The following SLCO2A1 variants were observed in gnomAD, a reference collection of about 807,000 sequenced individuals.
The protein encoded by SLCO2A1 is matrin F/G 1.
Under a neutral mutation model 71.7 loss-of-function variants are expected in SLCO2A1, and 60 were observed. The observed-to-expected ratio is 0.84, with a 90% CI of 0.68 to 1.04. The LOEUF is 1.04. Ranked by LOEUF, SLCO2A1 falls within the 50% of genes least tolerant of loss-of-function variation. SLCO2A1 has a pLI of 0.00. For synonymous variants in SLCO2A1, 308 were observed against 326.7 expected (o/e 0.94, Z 0.62); for missense variants, 745 against 813.4 (o/e 0.92, Z 1.02).
intron 1 of SLCO2A1, among the ~76,000 whole-genome samples, chr3:134,023,159 A>C (rs369331342): frequency 6.6e-6 from 1 of 151,904 alleles, no homozygotes; most frequent in African/African-American, 2.4e-5. Flanking sequence ...CAAACAAAAG[A>C]ATGGACTCAT....
chr3:134,022,898 A>G (rs915817865), intron 1 of SLCO2A1, among the ~76,000 whole-genome samples: 13 of 152,236 alleles, frequency 8.5e-5, no homozygotes, highest in Admixed American at 6.5e-4. Flanking sequence ...AGTTAAAACA[A>G]AAGGTCGATG....
chr3:133,969,986 C>T (rs1343744442), intron 3 of SLCO2A1, among the ~76,000 whole-genome samples: 2 of 152,128 alleles, frequency 1.3e-5, no homozygotes. Context: ...CCAAGGGAGG[C>T]GCCCTGCTCC....
intron 3 of SLCO2A1, among the ~76,000 whole-genome samples, chr3:133,971,334 G>A (rs146802227): frequency 9.2e-5 from 14 of 152,386 alleles, no homozygotes; most frequent in African/African-American, 3.1e-4. Flanking sequence ...GGGAGAAAGT[G>A]TATGGCAGGA....
intron 1 of SLCO2A1, among the ~76,000 whole-genome samples, chr3:134,013,512 C>A (rs903795541): frequency 2.6e-5 from 4 of 152,156 alleles, no homozygotes. Context: ...CCCATGGGGC[C>A]CGGCCCAGGA....
chr3:133,966,820 C>T (rs1364949858), intron 3 of SLCO2A1, among the ~76,000 whole-genome samples: 2 of 152,224 alleles, frequency 1.3e-5, no homozygotes, highest in African/African-American at 4.8e-5. Flanking sequence ...CCCAGCTCTA[C>T]AGCTCTACTA....
intron 13 of SLCO2A1, 31 bp from the exon 14 acceptor site, chr3:133,934,861 G>T: frequency 6.4e-7 from 1 of 1,563,162 alleles, no homozygotes; most frequent in Non-Finnish European, 8.8e-7. Flanking sequence ...GACTGGTGAG[G>T]GAGGGGGCTC....
intron 3 of SLCO2A1, among the ~76,000 whole-genome samples, chr3:133,958,444 TG>T (rs1933945858): frequency 6.6e-6 from 1 of 151,980 alleles, no homozygotes. Context: ...TTGCCCCAGG[TG>T]GGTAAGAGTT....
At chr3:134,005,626 C>T (rs1304013740) in intron 1 of SLCO2A1, among the ~76,000 whole-genome samples, 3 of 151,736 alleles carry the variant, frequency 2.0e-5, no homozygotes, top group South Asian at 2.1e-4. Flanking sequence ...GGACTACAGG[C>T]GCCTGCCACC....
intron 1 of SLCO2A1, among the ~76,000 whole-genome samples, chr3:134,027,429 C>T (rs1559963643): frequency 6.6e-6 from 1 of 152,220 alleles, no homozygotes; most frequent in Non-Finnish European, 1.5e-5. Flanking sequence ...CTGGTGCATG[C>T]AGCCCCCAGT....
At position 133,948,539 on chromosome 3, in the gene SLCO2A1, T is replaced by C; in HGVS notation, c.1102A>G (p.Ile368Val). 1.2e-6 allele frequency: 2 copies of C among 1,613,312 alleles called. No individual in the cohort carries two copies. Among genetic ancestry groups the C allele is most frequent in the African/African-American group, 2.7e-5 (2 of 75,036 alleles). The change falls in exon 8 of 14, where the codon ATT (isoleucine) becomes GTT (valine). Residue 368 changes from isoleucine (I) to valine (V), a missense_variant. Coordinates refer to ENST00000310926, the MANE Select transcript of SLCO2A1 (RefSeq NM_005630.3). ...CTGCAGCACCCTCTGGGCTCACCAA[T>C]GAGGAAGTTGGCATAGGCTGCTGAG... ...GTSAAYANFLIGAVNLPAAAL... is the reference protein window; with the variant it reads ...GTSAAYANFLVGAVNLPAAAL...
At chr3:133,950,905 A>G (rs966670488) in intron 6 of SLCO2A1, 7 of 384,960 alleles carry the variant, frequency 1.8e-5, no homozygotes, top group Non-Finnish European at 3.0e-5. Context: ...CTTGGCCTTT[A>G]TTGGCTCTTA....
At chr3:134,021,136 G>A (rs1223227067) in intron 1 of SLCO2A1, among the ~76,000 whole-genome samples, 1 of 152,130 alleles carries the variant, frequency 6.6e-6, no homozygotes, top group Non-Finnish European at 1.5e-5. Flanking sequence ...ATTTTGCTTT[G>A]GTGCAAACTG....
chr3:134,011,265 G>A (rs959395252), intron 1 of SLCO2A1, among the ~76,000 whole-genome samples: 1 of 152,160 alleles, frequency 6.6e-6, no homozygotes, highest in Non-Finnish European at 1.5e-5. Context: ...TGGCTAGGCT[G>A]GTCTTGAACT....
intron 1 of SLCO2A1, among the ~76,000 whole-genome samples, chr3:133,999,356 G>A (rs1007036006): frequency 6.6e-6 from 1 of 152,246 alleles, no homozygotes; most frequent in Non-Finnish European, 1.5e-5. Context: ...CAGGGGCTGT[G>A]TGTGAGTATG....
chr3:133,978,159 A>G (rs187679800), intron 2 of SLCO2A1, among the ~76,000 whole-genome samples: 1 of 152,308 alleles, frequency 6.6e-6, no homozygotes, highest in African/African-American at 2.4e-5. Flanking sequence ...TGAAGATTCC[A>G]GCGATGTGTG....
rs750151936 is a variant in SLCO2A1, at chr3:133,953,640, G to A, written c.724+23C>T. On this transcript the variant is annotated intron_variant, in intron 5 of 13. Transcript: ENST00000310926. ...GCTTTATTGAGCTGGGGATGGGAAT[G>A]GGTGTCCTCTGCACATACTCACCTG... The A allele has an allele frequency of 5.1e-6, 8 of 1,583,556 alleles. No homozygotes were observed. In the Admixed American group the frequency reaches 1.3e-4, roughly 26 times the overall value.
At chr3:133,985,432 C>T (rs982400423) in intron 1 of SLCO2A1, among the ~76,000 whole-genome samples, 2 of 152,146 alleles carry the variant, frequency 1.3e-5, no homozygotes, top group Non-Finnish European at 2.9e-5. Context: ...TAACATGTGC[C>T]TTTTATAAAA....
At chr3:133,962,767 G>C (rs1001747833) in intron 3 of SLCO2A1, among the ~76,000 whole-genome samples, 2 of 152,216 alleles carry the variant, frequency 1.3e-5, no homozygotes, top group African/African-American at 4.8e-5. Context: ...TGGCAGGTTA[G>C]AGGTTGCTAA....
In SLCO2A1 at chr3:134,029,790, G is replaced by C. The variant is rs780749412; in HGVS notation, c.13C>G (p.Pro5Ala). The C allele has an allele frequency of 8.5e-6, 13 of 1,523,010 alleles. 1 individual carries two copies. The Middle Eastern group carries it at 5.8e-4, about 67-fold the overall frequency. The allele number at this position is 1,523,010 out of a possible 1,614,324, so 94.3% of individuals were successfully genotyped here. MGLL[P>A]KLGASQGSDT... ...CTGCCCTGGGACGCGCCGAGCTTGG[G>C]CAGGAGCCCCATGGCTGCGGGCGGC... The change falls in exon 1 of 14, where the codon CCC becomes GCC. Residue 5 changes from proline to alanine, a missense_variant. By Grantham distance (27) the Pro-to-Ala change is conservative (BLOSUM62 -1). Transcript: ENST00000310926.
Sources: allele counts gnomAD v4.1 joint callset (sites outside exome capture counted in the v4.1 genomes callset), GRCh38; gene constraint gnomAD v4.1.1; transcripts MANE v1.5; gene names NCBI Gene and HGNC (gene_info 2026-07-23, HGNC 2026-07-21).